The following CTNNA3 variants were observed in gnomAD, a reference collection of about 807,000 sequenced individuals.
CTNNA3 encodes catenin alpha 3, also known as catenin alpha-3.
A neutral mutation model predicts 95.7 loss-of-function variants in CTNNA3; 76 were observed. That is an observed-to-expected ratio of 0.79 (90% confidence interval 0.66 to 0.96). The LOEUF is 0.96. Ranked by LOEUF, CTNNA3 falls within the 40% of genes least tolerant of loss-of-function variation. CTNNA3 has a pLI of 0.00. For synonymous variants in CTNNA3, 431 were observed against 374.4 expected (o/e 1.15, Z -1.74); for missense variants, 1,191 against 1,089.8 (o/e 1.09, Z -1.31).
rs180870743 is a variant in CTNNA3 at position 66,862,705 on chromosome 10, C to G, written c.1048-87181G>C. 2.1e-3 allele frequency among the ~76,000 whole-genome samples: 317 copies of G among 152,264 alleles called. 4 individuals are homozygous for G. Among genetic ancestry groups the G allele is most frequent in the African/African-American group, 7.0e-3 (291 of 41,546 alleles). ...AAGATGAAATTCGAGAAGTTTGGAG[C>G]TGACATGGTTAATTTTACGTGTTAA... On this transcript the variant is annotated intron_variant, in intron 7 of 17. Coordinates refer to ENST00000433211, the MANE Select transcript of CTNNA3 (RefSeq NM_013266.4).
chr10:67,296,409 A>G (rs1840031903), intron 5 of CTNNA3, among the ~76,000 whole-genome samples: 1 of 152,202 alleles, frequency 6.6e-6, no homozygotes, highest in Non-Finnish European at 1.5e-5. Flanking sequence ...ATGCCATAAA[A>G]AGGTCTGTTA....
chr10:66,702,727 A>AG (rs1361898494), intron 9 of CTNNA3, among the ~76,000 whole-genome samples: 24 of 127,188 alleles, frequency 1.9e-4, no homozygotes, highest in African/African-American at 8.3e-4. Context: ...AAAAAAAAAA[A>AG]GAATAAGTAG....
intron 13 of CTNNA3, among the ~76,000 whole-genome samples, chr10:66,190,355 T>C (rs1327500087): frequency 6.6e-6 from 1 of 152,124 alleles, no homozygotes; most frequent in African/African-American, 2.4e-5. Context: ...GAATCTTAGT[T>C]GACATATAAT....
chr10:67,683,861 G>T, intron 1 of CTNNA3, among the ~76,000 whole-genome samples: 1 of 152,144 alleles, frequency 6.6e-6, no homozygotes, highest in East Asian at 1.9e-4. Flanking sequence ...GCTCTTAAAG[G>T]CGGCATATCC....
At chr10:66,256,349 A>G (rs2090772464) in intron 13 of CTNNA3, among the ~76,000 whole-genome samples, 1 of 152,130 alleles carries the variant, frequency 6.6e-6, no homozygotes, top group Admixed American at 6.6e-5. Flanking sequence ...AAATTAGAGG[A>G]AGACCCACAA....
intron 3 of CTNNA3, among the ~76,000 whole-genome samples, chr10:67,586,048 A>T (rs1436594004): frequency 6.6e-6 from 1 of 152,088 alleles, no homozygotes; most frequent in African/African-American, 2.4e-5. Context: ...TTTCAAAAAA[A>T]TTTTTATTTC....
At chr10:66,075,520 C>T (rs1268539694) in intron 14 of CTNNA3, among the ~76,000 whole-genome samples, 3 of 151,736 alleles carry the variant, frequency 2.0e-5, no homozygotes, top group East Asian at 3.9e-4. Flanking sequence ...ATAAATGTAT[C>T]ATCTTGGCCT....
intron 5 of CTNNA3, among the ~76,000 whole-genome samples, chr10:67,448,224 T>C (rs1299376793): frequency 6.6e-6 from 1 of 152,142 alleles, no homozygotes; most frequent in Non-Finnish European, 1.5e-5. Flanking sequence ...TTTTTAATAA[T>C]GAAAAGTGAA....
chr10:66,078,420 C>T (rs1038796172), intron 14 of CTNNA3, among the ~76,000 whole-genome samples: 6 of 151,804 alleles, frequency 4.0e-5, no homozygotes, highest in Admixed American at 3.9e-4. Context: ...AGTATATCAT[C>T]GTCTCTTTCA....
intron 5 of CTNNA3, among the ~76,000 whole-genome samples, chr10:67,419,815 T>C (rs1004531373): frequency 1.3e-5 from 2 of 152,202 alleles, no homozygotes; most frequent in African/African-American, 2.4e-5. Context: ...TTTCTTAAAT[T>C]AGTCACATAT....
At chr10:67,679,466 C>T (rs1840587949) in intron 1 of CTNNA3, among the ~76,000 whole-genome samples, 1 of 152,180 alleles carries the variant, frequency 6.6e-6, no homozygotes, top group African/African-American at 2.4e-5. Context: ...AGAGTGGTAA[C>T]AGAATATTGG....
intron 5 of CTNNA3, among the ~76,000 whole-genome samples, chr10:67,390,389 G>T (rs1184284549): frequency 6.6e-6 from 1 of 152,118 alleles, no homozygotes; most frequent in African/African-American, 2.4e-5. Flanking sequence ...CCAACAACAG[G>T]ATCTGAAATT....
intron 3 of CTNNA3, among the ~76,000 whole-genome samples, chr10:67,562,406 G>C (rs1237366706): frequency 6.6e-6 from 1 of 152,130 alleles, no homozygotes; most frequent in African/African-American, 2.4e-5. Context: ...TATCTTAATA[G>C]ATGCAGAAAA....
intron 15 of CTNNA3, among the ~76,000 whole-genome samples, chr10:66,001,713 T>TA (rs2078772692): frequency 6.6e-6 from 1 of 152,186 alleles, no homozygotes. Flanking sequence ...TTATATTTTA[T>TA]AAAAATCTAC....
intron 7 of CTNNA3, among the ~76,000 whole-genome samples, chr10:67,152,707 A>T (rs1446407586): frequency 6.6e-6 from 1 of 152,200 alleles, no homozygotes; most frequent in Admixed American, 6.5e-5. Flanking sequence ...GAAAGGGACT[A>T]TTTATAATTA....
chr10:67,013,467 G>A (rs1852465639), intron 7 of CTNNA3, among the ~76,000 whole-genome samples: 1 of 152,092 alleles, frequency 6.6e-6, no homozygotes, highest in Non-Finnish European at 1.5e-5. Context: ...AGAATTCTCA[G>A]ACATGCAATG....
chr10:67,587,333 C>G (rs1363207216), intron 3 of CTNNA3, among the ~76,000 whole-genome samples: 1 of 151,606 alleles, frequency 6.6e-6, no homozygotes, highest in Admixed American at 6.6e-5. Context: ...GTGCTGGGAT[C>G]ATAGATTGGA....
chr10:67,127,266 T>G (rs1289036136), intron 7 of CTNNA3, among the ~76,000 whole-genome samples: 1 of 152,226 alleles, frequency 6.6e-6, no homozygotes, highest in Admixed American at 6.5e-5. Flanking sequence ...ACTGACATAG[T>G]CTGGAGAATT....
intron 7 of CTNNA3, among the ~76,000 whole-genome samples, chr10:66,995,500 C>T (rs1451073885): frequency 2.6e-5 from 4 of 152,282 alleles, no homozygotes; most frequent in Middle Eastern, 3.4e-3. Context: ...TTTTAAAACA[C>T]GAAGCAGATA....
Sources: allele counts gnomAD v4.1 joint callset (sites outside exome capture counted in the v4.1 genomes callset), GRCh38; gene constraint gnomAD v4.1.1; transcripts MANE v1.5; gene names NCBI Gene and HGNC (gene_info 2026-07-23, HGNC 2026-07-21).